Variants in FOXN3 observed in about 807,000 individuals in gnomAD.
FOXN3 encodes the protein forkhead box protein N3.
A neutral mutation model predicts 38.4 loss-of-function variants in FOXN3; 7 were observed. The ratio of observed to expected loss-of-function variants is 0.18; its 90% confidence interval spans 0.10 to 0.34. The LOEUF (loss-of-function observed/expected upper bound fraction) is 0.34. Among genes scored for constraint, FOXN3 ranks in the 10% least tolerant of loss-of-function variants. The probability of loss-of-function intolerance (pLI) is 1.00; values close to 1 mark genes in which losing one functional copy is unlikely to be tolerated. For missense variants in FOXN3, 456 were observed against 613.4 expected, an observed-to-expected ratio of 0.74 and a Z score of 2.71; for synonymous variants, 230 against 242.2, an observed-to-expected ratio of 0.95 and a Z score of 0.47.
intron 1 of FOXN3, among the ~76,000 whole-genome samples, chr14:89,552,764 C>A (rs545607007): frequency 1.3e-5 from 2 of 151,366 alleles, no homozygotes; most frequent in African/African-American, 4.8e-5. Context: ...GAGGCTGAGA[C>A]AGGAGAATCG....
At chr14:89,571,814 G>A (rs1458875829) in intron 1 of FOXN3, among the ~76,000 whole-genome samples, 1 of 152,184 alleles carries the variant, frequency 6.6e-6, no homozygotes, top group African/African-American at 2.4e-5. Context: ...CACAATGATG[G>A]TAGTTTGGAG....
intron 1 of FOXN3, among the ~76,000 whole-genome samples, chr14:89,547,192 T>C (rs1894904736): frequency 6.6e-6 from 1 of 152,216 alleles, no homozygotes; most frequent in Non-Finnish European, 1.5e-5. Context: ...ACTGTATGTT[T>C]TGTGCTTCTA....
At chr14:89,388,608 T>C (rs900330506) in intron 2 of FOXN3, among the ~76,000 whole-genome samples, 2 of 152,048 alleles carry the variant, frequency 1.3e-5, no homozygotes, top group South Asian at 2.1e-4. Flanking sequence ...AGACACGTGA[T>C]GAACAAGTCA....
At chr14:89,179,618 A>T (rs187548217) in intron 5 of FOXN3, among the ~76,000 whole-genome samples, 1 of 152,316 alleles carries the variant, frequency 6.6e-6, no homozygotes, top group Admixed American at 6.5e-5. Flanking sequence ...CCTCATCCTC[A>T]GGACACAAAG....
chr14:89,497,070 TCA>T (rs1266531493), intron 1 of FOXN3, among the ~76,000 whole-genome samples: 1 of 152,178 alleles, frequency 6.6e-6, no homozygotes, highest in Non-Finnish European at 1.5e-5. Flanking sequence ...TTCTCCTGCC[TCA>T]GTCTCCCGAG....
At chr14:89,500,559 G>A (rs563707566) in intron 1 of FOXN3, among the ~76,000 whole-genome samples, 5 of 152,326 alleles carry the variant, frequency 3.3e-5, no homozygotes, top group African/African-American at 1.2e-4. Context: ...CAGAAGCCAA[G>A]CTGACCTGTG....
chr14:89,470,202 C>T (rs1231462299), intron 1 of FOXN3, among the ~76,000 whole-genome samples: 1 of 152,042 alleles, frequency 6.6e-6, no homozygotes, highest in Non-Finnish European at 1.5e-5. Flanking sequence ...TCTCAGCCAA[C>T]TGATACTCAT....
chr14:89,248,989 C>G (rs943044317), intron 4 of FOXN3, among the ~76,000 whole-genome samples: 1 of 152,214 alleles, frequency 6.6e-6, no homozygotes, highest in Non-Finnish European at 1.5e-5. Context: ...ATTATACCCT[C>G]CACGTATACA....
At chr14:89,563,194 G>A (rs1311366862) in intron 1 of FOXN3, among the ~76,000 whole-genome samples, 1 of 152,196 alleles carries the variant, frequency 6.6e-6, no homozygotes, top group Non-Finnish European at 1.5e-5. Flanking sequence ...CTTTCTATAA[G>A]CCAGGACTGT....
At position 89,350,893 on chromosome 14, in the gene FOXN3, C is replaced by CTAT; in HGVS notation, c.544-86_544-85insATA. 2.9e-6 allele frequency: 3 copies of CTAT among 1,032,350 alleles called. No individual in the cohort carries two copies. In the South Asian group the frequency reaches 7.6e-5, roughly 26 times the overall value. The allele number at this position is 1,032,350 out of a possible 1,614,324, so 63.9% of individuals were successfully genotyped here. ...AGTAGATGTATAGCTATTATCACTT[C>CTAT]TTTATTTTTAAAAGCTTCTCATTTG... On this transcript the variant is annotated intron_variant, in intron 2 of 5. Coordinates refer to ENST00000557258, the MANE Select transcript of FOXN3 (RefSeq NM_005197.4).
chr14:89,337,155 AT>A (rs377118180), intron 3 of FOXN3, among the ~76,000 whole-genome samples: 1 of 152,146 alleles, frequency 6.6e-6, no homozygotes, highest in African/African-American at 2.4e-5. Flanking sequence ...GGCACCACAG[AT>A]TTGTGAGTTC....
chr14:89,505,847 C>G (rs189610502), intron 1 of FOXN3, among the ~76,000 whole-genome samples: 2 of 150,164 alleles, frequency 1.3e-5, no homozygotes, highest in African/African-American at 2.5e-5. Flanking sequence ...TCTGCCCGGC[C>G]ACCCATCATC....
intron 4 of FOXN3, among the ~76,000 whole-genome samples, chr14:89,279,096 G>GAA (rs58667858): frequency 4.6e-5 from 7 of 150,584 alleles, no homozygotes; most frequent in Admixed American, 4.0e-4. Flanking sequence ...AAACATCACA[G>GAA]AAAAAAAAAT....
intron 1 of FOXN3, among the ~76,000 whole-genome samples, chr14:89,445,145 T>G (rs1279653285): frequency 6.9e-6 from 1 of 145,366 alleles, no homozygotes; most frequent in Non-Finnish European, 1.5e-5. Context: ...AAAAATAAAA[T>G]AAAATAAAAA....
At chr14:89,193,759 T>C (rs569350366) in intron 4 of FOXN3, among the ~76,000 whole-genome samples, 2 of 152,296 alleles carry the variant, frequency 1.3e-5, no homozygotes, top group South Asian at 2.1e-4. Context: ...GGTAAATGTA[T>C]ATTTAGCTTT....
chr14:89,593,837 G>A (rs1434449386), intron 1 of FOXN3, among the ~76,000 whole-genome samples: 7 of 152,102 alleles, frequency 4.6e-5, no homozygotes, highest in Non-Finnish European at 1.0e-4. Context: ...AAACTCCTGG[G>A]TTCAAGTGAT....
At chr14:89,535,073 C>T (rs1894656401) in intron 1 of FOXN3, among the ~76,000 whole-genome samples, 1 of 152,214 alleles carries the variant, frequency 6.6e-6, no homozygotes, top group African/African-American at 2.4e-5. Context: ...AGATGAATTA[C>T]ACTTACGCAG....
chr14:89,354,973 C>A (rs1004889116), intron 2 of FOXN3: 6 of 151,926 alleles, frequency 3.9e-5, no homozygotes, highest in African/African-American at 1.5e-4. Context: ...TGTGTATTCA[C>A]ACTCACATTT....
chr14:89,385,493 A>G (rs2140071351), intron 2 of FOXN3, among the ~76,000 whole-genome samples: 1 of 132,582 alleles, frequency 7.5e-6, no homozygotes, highest in African/African-American at 2.8e-5. Flanking sequence ...AGCTGAGGCA[A>G]ACATTTAAAA....
Sources: allele counts gnomAD v4.1 joint callset (sites outside exome capture counted in the v4.1 genomes callset), GRCh38; gene constraint gnomAD v4.1.1; transcripts MANE v1.5; gene names NCBI Gene and HGNC (gene_info 2026-07-23, HGNC 2026-07-21).